RAD17: variants seen among roughly 807,000 people sequenced by gnomAD.
RAD17 encodes cell cycle checkpoint protein RAD17.
In RAD17, 31 loss-of-function variants were observed where a neutral mutation model predicts 81.5. The ratio of observed to expected loss-of-function variants is 0.38; its 90% CI spans 0.29 to 0.51. The LOEUF (loss-of-function observed/expected upper bound fraction) is 0.51. RAD17 is among the 20% of genes least tolerant of loss of function. RAD17 has a pLI of 0.88. For missense variants in RAD17, 681 were observed against 781.2 expected (o/e 0.87, Z 1.53); for synonymous variants, 261 against 266.2 (o/e 0.98, Z 0.19).
chr5:69,401,071 G>A (rs543548362), intron 17 of RAD17, among the ~76,000 whole-genome samples: 25 of 152,216 alleles, frequency 1.6e-4, no homozygotes, highest in Non-Finnish European at 2.8e-4. Context: ...TTAGCCAGGC[G>A]TGGTGGCACG....
chr5:69,381,974 A>T lies in RAD17; in HGVS notation c.425A>T (p.Glu142Val), dbSNP rs745641746. The T allele has an allele frequency of 1.9e-6, 3 of 1,606,138 alleles. No individual in the cohort carries two copies. The South Asian group carries it at 3.3e-5, about 18-fold the overall frequency. Residue 142 changes from glutamate to valine, a missense_variant, in exon 7 of 19, where the codon GAG becomes GTG. Physicochemically the swap from Glu to Val is moderately radical, Grantham distance 121. Transcript: ENST00000354868. ...ACGACCTTAAAAATACTATCAAAGG[A>T]GCATGGTATTCAAGTACAAGAGTGG... ...KTTTLKILSK[E>V]HGIQVQEWIN...
At chr5:69,373,693 T>G (rs1411174902) in intron 4 of RAD17, 137 bp from the exon 5 acceptor site, 1 of 390,824 alleles carries the variant, frequency 2.6e-6, no homozygotes, top group Non-Finnish European at 3.9e-6. Flanking sequence ...AAAATTTTTT[T>G]TTTTTTTTTT....
chr5:69,391,777 T>G, intron 12 of RAD17, 54 bp from the exon 13 acceptor site: 1 of 1,285,186 alleles, frequency 7.8e-7, no homozygotes, highest in South Asian at 1.9e-5. Context: ...GTGTTCTTAG[T>G]TTTAATTTTC....
rs748565752 is a variant in RAD17 at position 69,410,545 on chromosome 5, T to C, written c.1746T>C (p.Phe582=). 6.2e-7 allele frequency: 1 copy of C among 1,613,092 alleles called. No individual in the cohort carries two copies. Among genetic ancestry groups the C allele is most frequent in the Non-Finnish European group, 8.5e-7 (1 of 1,179,266 alleles). Residue 582 remains phenylalanine (F), a synonymous_variant, in exon 18 of 19, where the codon TTT becomes TTC. Coordinates refer to ENST00000354868, the MANE Select transcript of RAD17 (RefSeq NM_133338.3). The part of the protein sequence containing the change: ...DIGRLPLKRH[F]GRLKMEALTD... ...GAAGGCTCCCTCTGAAGCGACACTT[T>C]GGAAGGTAAGCTGATCATCTCAATT... is the stretch of plus-strand genomic sequence containing the variant.
At chr5:69,410,965 C>CTA (rs1554044686) in intron 18 of RAD17, among the ~76,000 whole-genome samples, 15,308 of 89,970 alleles carry the variant, frequency 0.17, 1,368 homozygotes, top group South Asian at 0.24. Context: ...AGATGTCTGT[C>CTA]TATATATATA....
chr5:69,397,804 TAA>T (rs1047164371), intron 16 of RAD17, among the ~76,000 whole-genome samples: 7 of 151,758 alleles, frequency 4.6e-5, no homozygotes, highest in African/African-American at 1.7e-4. Context: ...TGGTGACTAT[TAA>T]CAACAATGTG....
Position 69,386,212 on chromosome 5 carries a change from T to C in RAD17, c.731T>C (p.Ile244Thr), listed in dbSNP as rs537758732. The change falls in exon 10 of 19, where the codon ATA becomes ACA. Residue 244 changes from isoleucine (I) to threonine (T), a missense_variant. Physicochemically the swap from Ile to Thr is moderately conservative, Grantham distance 89. Transcript: ENST00000354868. The part of the protein sequence containing the change: ...KYVRIGRCPL[I>T]FIISDSLSGD... ...GTGAGGATTGGTCGATGTCCTCTTA[T>C]ATTTATAATCTCGGACAGTCTCAGT... 1.1e-4 allele frequency: 181 copies of C among 1,608,078 alleles called. 3 individuals carry two copies. In the South Asian group the frequency reaches 1.5e-3, roughly 13 times the overall value.
intron 17 of RAD17, among the ~76,000 whole-genome samples, chr5:69,410,061 T>C (rs1403662835): frequency 6.6e-6 from 1 of 152,248 alleles, no homozygotes; most frequent in Non-Finnish European, 1.5e-5. Context: ...CATCTGTTGA[T>C]GGACACTTGG....
At chr5:69,378,086 C>T (rs937807896) in intron 6 of RAD17, among the ~76,000 whole-genome samples, 43 of 152,284 alleles carry the variant, frequency 2.8e-4, no homozygotes, top group African/African-American at 1.0e-3. Context: ...GCATGAGCCA[C>T]ACCATGCCTG....
intron 11 of RAD17, among the ~76,000 whole-genome samples, chr5:69,387,770 T>C (rs932946835): frequency 6.6e-6 from 1 of 151,966 alleles, no homozygotes; most frequent in African/African-American, 2.4e-5. Flanking sequence ...GGCAGGAGAA[T>C]AGCTTGAACC....
In RAD17 at chr5:69,396,390, T is replaced by C. The variant is rs779448338; in HGVS notation, c.1423-7T>C. 1.4e-4 allele frequency: 218 copies of C among 1,604,492 alleles called. No individual in the cohort carries two copies. The highest frequency in any genetic ancestry group is 1.7e-4 in the Non-Finnish European group (199 of 1,175,222). On this transcript the variant is annotated splice_region_variant and splice_polypyrimidine_tract_variant and intron_variant, in intron 15 of 18. Coordinates refer to ENST00000354868, the MANE Select transcript of RAD17 (RefSeq NM_133338.3). ...TATTTTCTTTCACATCTTGTCTCAT[T>C]TGTTAGACACGCTCTTTACTCAGGG...
At chr5:69,377,339 T>C (rs28570129) in intron 6 of RAD17, among the ~76,000 whole-genome samples, 72,144 of 147,296 alleles carry the variant, frequency 0.49, 17,785 homozygotes, top group South Asian at 0.54. Flanking sequence ...AGCAATACTC[T>C]GTCAGTATAA....
At chr5:69,414,009 G>A in intron 18 of RAD17, 22 bp from the exon 19 acceptor site, 1 of 1,612,410 alleles carries the variant, frequency 6.2e-7, no homozygotes, top group Non-Finnish European at 8.5e-7. Context: ...TCTTATTAAT[G>A]CCTGCACTGT....
At position 69,396,411 on chromosome 5, in the gene RAD17, C is replaced by G. The variant is rs373613013; in HGVS notation, c.1437C>G (p.Leu479=). Residue 479 remains leucine, a synonymous_variant, in exon 16 of 19, where the codon CTC becomes CTG. Coordinates refer to ENST00000354868, the MANE Select transcript of RAD17 (RefSeq NM_133338.3). ...TCATTTGTTAGACACGCTCTTTACT[C>G]AGGGAATATAGCACATCTATAGCTA... The part of the protein sequence containing the change: ...LSGDWNTRSL[L]REYSTSIATR... 6 of 1,610,988 alleles carry G rather than the reference C, an allele frequency of 3.7e-6. No individual in the cohort carries two copies. Among genetic ancestry groups the G allele is most frequent in the African/African-American group, 1.3e-5 (1 of 74,916 alleles).
Position 69,371,506 on chromosome 5 carries a change from A to T in RAD17, c.-227A>T. The stretch of plus-strand genomic sequence containing the variant: ...TCCTAAACTACGGATGGGAACTATT[A>T]CAGTTTATAATGTCAAAAACTTTTC... On this transcript the variant is annotated 5_prime_UTR_variant, in exon 3 of 19. Transcript: ENST00000354868. The T allele has an allele frequency of 7.8e-7, 1 of 1,286,790 alleles. No individual in the cohort carries two copies. The highest frequency in any genetic ancestry group is 1.0e-6 in the Non-Finnish European group (1 of 977,002). 79.7% of individuals were successfully genotyped at this position (1,286,790 alleles called of 1,614,324 possible).
rs1300408954 is a variant in RAD17 at position 69,414,062 on chromosome 5, C to G, written c.1783C>G (p.His595Asp). The change falls in exon 19 of 19, where the codon CAT becomes GAT. Residue 595 changes from histidine (H) to aspartate (D), a missense_variant. By Grantham distance (81) the His-to-Asp change is moderately conservative. Transcript: ENST00000354868. ...AATGGAAGCCCTGACTGACAGGGAA[C>G]ATGGAATGATAGACCCTGACAGCGG... The part of the protein sequence containing the change: ...LKMEALTDRE[H>D]GMIDPDSGDE... 6.2e-7 allele frequency: 1 copy of G among 1,614,048 alleles called. No homozygotes were observed. The highest frequency in any genetic ancestry group is 1.3e-5 in the African/African-American group (1 of 74,932).
chr5:69,401,079 A>C (rs1221320369), intron 17 of RAD17, among the ~76,000 whole-genome samples: 2 of 152,082 alleles, frequency 1.3e-5, no homozygotes, highest in Non-Finnish European at 2.9e-5. Context: ...GCGTGGTGGC[A>C]CGCGTCTGTA....
rs58039355 is a variant in RAD17 at position 69,380,744 on chromosome 5, C to T, written c.352-1157C>T. Among the ~76,000 whole-genome samples the T allele has an allele frequency of 0.014, 2,058 of 150,876 alleles. 160 individuals are homozygous for T. In the East Asian group the frequency reaches 0.24, roughly 18 times the overall value. ...CTCTAGTCTCTCGTTAGAGTCCTAT[C>T]TCTGGTAAATATGTTTCTTTTTTTT... is the stretch of plus-strand genomic sequence containing the variant. On this transcript the variant is annotated intron_variant, in intron 6 of 18. Coordinates refer to ENST00000354868, the MANE Select transcript of RAD17 (RefSeq NM_133338.3).
At chr5:69,394,819 AG>A (rs1199431048) in intron 15 of RAD17, among the ~76,000 whole-genome samples, 3 of 152,220 alleles carry the variant, frequency 2.0e-5, no homozygotes, top group African/African-American at 7.2e-5. Flanking sequence ...CCAGCACTTA[AG>A]GAGGCCGAGG....
Sources: allele counts gnomAD v4.1 joint callset (sites outside exome capture counted in the v4.1 genomes callset), GRCh38; gene constraint gnomAD v4.1.1; transcripts MANE v1.5; gene names NCBI Gene and HGNC (gene_info 2026-07-23, HGNC 2026-07-21).